Variants in LTBP1 observed in about 807,000 individuals in gnomAD.
LTBP1 encodes the protein latent transforming growth factor beta binding protein 1.
A neutral mutation model predicts 207.6 loss-of-function variants in LTBP1; 129 were observed. The observed-to-expected ratio is 0.62, with a 90% CI of 0.54 to 0.72. LTBP1 has a LOEUF of 0.72. LTBP1 is among the 30% of genes least tolerant of loss of function. LTBP1 has a pLI of 0.00. For missense variants in LTBP1, 2,281 were observed against 2,217.2 expected, an observed-to-expected ratio of 1.03 and a Z score of -0.58; for synonymous variants, 963 against 833.7, an observed-to-expected ratio of 1.16 and a Z score of -2.67.
At chr2:33,154,833 T>G (rs532089997) in intron 5 of LTBP1, among the ~76,000 whole-genome samples, 2 of 151,932 alleles carry the variant, frequency 1.3e-5, no homozygotes, top group South Asian at 4.2e-4. Flanking sequence ...GAGAGCGAGG[T>G]GGGAGGATAG....
intron 4 of LTBP1, among the ~76,000 whole-genome samples, chr2:33,133,532 A>G (rs1278655965): frequency 6.6e-6 from 1 of 152,220 alleles, no homozygotes; most frequent in Non-Finnish European, 1.5e-5. Context: ...GTAGCAATCA[A>G]AACAGTGTGT....
Position 33,243,650 on chromosome 2 carries a change from G to A in LTBP1, c.1877-12G>A, listed in dbSNP as rs781679257. 6.2e-6 allele frequency: 10 copies of A among 1,613,034 alleles called. No individual in the cohort carries two copies. In the East Asian group the frequency reaches 2.2e-4, roughly 36 times the overall value. Reference sequence around the variant, plus strand: ...TTGACTGCTCCTTCTAAAGAATTGTGTTTTCCTGCAGATATTAATGAATGT... The same window carrying A: ...TTGACTGCTCCTTCTAAAGAATTGTATTTTCCTGCAGATATTAATGAATGT... On this transcript the variant is annotated splice_polypyrimidine_tract_variant and intron_variant, in intron 9 of 33. Coordinates refer to ENST00000404816, the MANE Select transcript of LTBP1 (RefSeq NM_206943.4).
intron 2 of LTBP1, among the ~76,000 whole-genome samples, chr2:32,951,012 C>T (rs990306671): frequency 1.3e-5 from 2 of 152,294 alleles, no homozygotes; most frequent in Middle Eastern, 3.4e-3. Context: ...GGTTTGCCCC[C>T]TGGTAATCCA....
At chr2:33,080,015 CT>C (rs1558608419) in intron 3 of LTBP1, among the ~76,000 whole-genome samples, 1 of 151,984 alleles carries the variant, frequency 6.6e-6, no homozygotes, top group African/African-American at 2.4e-5. Flanking sequence ...GCAGAGACCA[CT>C]TTTTTGTTTT....
rs920480118 is a variant in LTBP1, at chr2:33,155,213, G to A, written c.1201+20253G>A. On this transcript the variant is annotated intron_variant, in intron 5 of 33. Coordinates refer to ENST00000404816, the MANE Select transcript of LTBP1 (RefSeq NM_206943.4). ...CACTCAAGATTGGAACTACAGGCGC[G>A]CGCCACCATGCCTGGCTAATTTTTG... 4.6e-5 allele frequency among the ~76,000 whole-genome samples: 7 copies of A among 151,984 alleles called. No individual in the cohort carries two copies. The East Asian group carries it at 5.8e-4, about 13-fold the overall frequency.
At chr2:33,143,733 A>G (rs1026383013) in intron 5 of LTBP1, among the ~76,000 whole-genome samples, 10 of 151,266 alleles carry the variant, frequency 6.6e-5, no homozygotes, top group Admixed American at 3.3e-4. Context: ...ACAGTCTTTT[A>G]CGGAAGAACC....
At chr2:33,215,139 C>T (rs2090583066) in intron 7 of LTBP1, among the ~76,000 whole-genome samples, 1 of 152,022 alleles carries the variant, frequency 6.6e-6, no homozygotes, top group Non-Finnish European at 1.5e-5. Flanking sequence ...GAGCTTTTAT[C>T]TATAATAATA....
rs192678775 is a variant in LTBP1 at position 33,294,534 on chromosome 2, G to T, written c.3235+1252G>T. On this transcript the variant is annotated intron_variant, in intron 20 of 33. Transcript: ENST00000404816. ...AAAATAAACTTTTGTCTGAACTTTA[G>T]AATTATTTCCTTATTCATAAAAGTG... Among the ~76,000 whole-genome samples, 326 of 149,238 alleles carry T rather than the reference G, an allele frequency of 2.2e-3. 4 individuals carry two copies. Among genetic ancestry groups the T allele is most frequent in the African/African-American group, 7.3e-3 (298 of 40,632 alleles).
chr2:33,332,292 G>A (rs1221324056), intron 24 of LTBP1, among the ~76,000 whole-genome samples: 1 of 148,514 alleles, frequency 6.7e-6, no homozygotes, highest in Non-Finnish European at 1.5e-5. Context: ...CAGCTACTTG[G>A]GAGGCTGAGG....
At chr2:32,987,295 T>G (rs1243268470) in intron 2 of LTBP1, among the ~76,000 whole-genome samples, 3 of 152,074 alleles carry the variant, frequency 2.0e-5, no homozygotes, top group Non-Finnish European at 2.9e-5. Context: ...GGATGATATC[T>G]TAGGGTGGGG....
chr2:33,237,814 T>G (rs116795129), intron 9 of LTBP1, among the ~76,000 whole-genome samples: 150 of 152,328 alleles, frequency 9.8e-4, no homozygotes, highest in African/African-American at 3.5e-3. Context: ...ACAAGAGGTA[T>G]GCCTTGACTT....
intron 24 of LTBP1, among the ~76,000 whole-genome samples, chr2:33,327,007 A>G (rs1371950174): frequency 6.6e-6 from 1 of 152,166 alleles, no homozygotes; most frequent in African/African-American, 2.4e-5. Flanking sequence ...AAAAATCAAG[A>G]TGTTTAAAAA....
chr2:32,986,021 C>CA (rs1345402486), intron 2 of LTBP1, among the ~76,000 whole-genome samples: 10 of 152,022 alleles, frequency 6.6e-5, no homozygotes, highest in Non-Finnish European at 1.0e-4. Context: ...ATTGCAAGTA[C>CA]AAAAAATGTT....
chr2:33,237,189 T>G (rs1012661911), intron 9 of LTBP1, among the ~76,000 whole-genome samples: 1 of 152,180 alleles, frequency 6.6e-6, no homozygotes, highest in Non-Finnish European at 1.5e-5. Flanking sequence ...TAATAGATTG[T>G]GTGTTAAAAA....
chr2:33,207,759 T>G (rs1172638011), intron 7 of LTBP1, among the ~76,000 whole-genome samples: 1 of 152,222 alleles, frequency 6.6e-6, no homozygotes, highest in Non-Finnish European at 1.5e-5. Context: ...TTTTACTTTT[T>G]GATGCATAGA....
chr2:33,119,573 T>C (rs996019885), intron 4 of LTBP1, among the ~76,000 whole-genome samples: 3 of 152,152 alleles, frequency 2.0e-5, no homozygotes, highest in African/African-American at 7.2e-5. Context: ...TCTTTTATTT[T>C]TGAGATGGAG....
chr2:33,394,377 A>G (rs990918071), intron 32 of LTBP1, among the ~76,000 whole-genome samples: 9 of 152,146 alleles, frequency 5.9e-5, no homozygotes, highest in Non-Finnish European at 1.2e-4. Context: ...GCCCCTGCCT[A>G]TGTCCTGAAT....
chr2:33,038,791 T>C (rs1260761643), intron 3 of LTBP1, among the ~76,000 whole-genome samples: 2 of 152,252 alleles, frequency 1.3e-5, no homozygotes, highest in East Asian at 3.8e-4. Flanking sequence ...GACTCAGATG[T>C]TCTTTTCCTT....
intron 24 of LTBP1, among the ~76,000 whole-genome samples, chr2:33,326,491 A>G (rs989964561): frequency 2.0e-5 from 3 of 146,468 alleles, no homozygotes; most frequent in Non-Finnish European, 3.0e-5. Flanking sequence ...GCATACTTTT[A>G]TTGGATTAAA....
Sources: gnomAD v4.1 joint callset for allele counts (sites outside exome capture counted in the v4.1 genomes callset) on GRCh38, gnomAD v4.1.1 for gene constraint, MANE v1.5 for transcripts, NCBI Gene and HGNC (gene_info 2026-07-23, HGNC 2026-07-21) for gene names.